The following MBOAT2 variants were observed in gnomAD, a reference collection of about 807,000 sequenced individuals.
The protein encoded by MBOAT2 is membrane bound glycerophospholipid O-acyltransferase 2.
In MBOAT2, 28 loss-of-function variants were observed where a neutral mutation model predicts 63.4. The observed-to-expected ratio is 0.44, with a 90% CI of 0.33 to 0.61. The LOEUF is 0.61. Ranked by LOEUF, MBOAT2 falls within the 20% of genes least tolerant of loss-of-function variation. The probability of loss-of-function intolerance (pLI) is 0.03; values close to 1 mark genes in which losing one functional copy is unlikely to be tolerated. For synonymous variants in MBOAT2, 211 were observed against 215.6 expected (o/e 0.98, Z 0.19); for missense variants, 470 against 605.8 (o/e 0.78, Z 2.35).
chr2:8,981,836 C>T (rs1671214136), intron 1 of MBOAT2, among the ~76,000 whole-genome samples: 1 of 152,098 alleles, frequency 6.6e-6, no homozygotes, highest in African/African-American at 2.4e-5. Flanking sequence ...CAAACTATTT[C>T]CATATTTAAC....
At chr2:8,918,356 C>T (rs1371688002) in intron 3 of MBOAT2, among the ~76,000 whole-genome samples, 1 of 152,198 alleles carries the variant, frequency 6.6e-6, no homozygotes, top group African/African-American at 2.4e-5. Context: ...GAAATGGGCA[C>T]AGTGTGCAGT....
rs1279809398 is a variant in MBOAT2 at position 8,856,702 on chromosome 2, G to C, written c.*1977C>G. On this transcript the variant is annotated 3_prime_UTR_variant, in exon 13 of 13. Transcript: ENST00000305997. The surrounding 1 kb of genome is among the most constrained non-coding windows in gnomAD (Gnocchi z 4.2). Reference sequence around the variant, plus strand: ...CCCAAGTAGCTGGGATTACAGGTGTGCGCCACCATGCCCGTCTAATTTTTG... The same window carrying C: ...CCCAAGTAGCTGGGATTACAGGTGTCCGCCACCATGCCCGTCTAATTTTTG... 6.6e-6 allele frequency: 1 copy of C among 152,048 alleles called. No individual in the cohort carries two copies. Among genetic ancestry groups the C allele is most frequent in the African/African-American group, 2.4e-5 (1 of 41,388 alleles). 9.4% of individuals were successfully genotyped at this position (152,048 alleles called of 1,614,324 possible).
chr2:8,960,045 ACTGT>A (rs1483863139), intron 1 of MBOAT2, among the ~76,000 whole-genome samples: 6 of 152,240 alleles, frequency 3.9e-5, no homozygotes, highest in South Asian at 2.1e-4. Flanking sequence ...GTTGTTGTAC[ACTGT>A]CTAAGAAACA....
Position 8,922,375 on chromosome 2 carries a change from G to A in MBOAT2, c.300-13659C>T, listed in dbSNP as rs545791964. On this transcript the variant is annotated intron_variant, in intron 3 of 12. Coordinates refer to ENST00000305997, the MANE Select transcript of MBOAT2 (RefSeq NM_138799.4). Reference sequence around the variant, plus strand: ...GTTTCAATTGACTGCTGTTTTCCTCGTTTCTCTTAATTTTTTAAACTGGAC... The same window carrying A: ...GTTTCAATTGACTGCTGTTTTCCTCATTTCTCTTAATTTTTTAAACTGGAC... Among the ~76,000 whole-genome samples, 101 of 152,184 alleles carry A rather than the reference G, an allele frequency of 6.6e-4. 1 individual carries two copies. In the South Asian group the frequency reaches 0.014, roughly 21 times the overall value.
At chr2:8,905,222 G>A (rs6734322) in intron 4 of MBOAT2, among the ~76,000 whole-genome samples, 3,346 of 152,034 alleles carry the variant, frequency 0.022, 139 homozygotes, top group African/African-American at 0.076. Flanking sequence ...CGCTAATTAG[G>A]ATCAAGTCAG....
At chr2:8,980,312 G>A (rs1671109315) in intron 1 of MBOAT2, among the ~76,000 whole-genome samples, 1 of 152,154 alleles carries the variant, frequency 6.6e-6, no homozygotes, top group Admixed American at 6.5e-5. Flanking sequence ...GACAACAGCG[G>A]ATCTGAGGCA....
At chr2:8,968,330 A>T (rs1303042523) in intron 1 of MBOAT2, among the ~76,000 whole-genome samples, 1 of 152,218 alleles carries the variant, frequency 6.6e-6, no homozygotes, top group Non-Finnish European at 1.5e-5. Flanking sequence ...TGACTGTTAG[A>T]AGGAAAACTA....
intron 1 of MBOAT2, among the ~76,000 whole-genome samples, chr2:8,967,274 C>T (rs939390903): frequency 2.6e-5 from 4 of 152,076 alleles, no homozygotes; most frequent in African/African-American, 9.7e-5. Flanking sequence ...TACTTTTTGC[C>T]CAGGGTGGTT....
At chr2:8,985,174 T>C (rs1671472969) in intron 1 of MBOAT2, among the ~76,000 whole-genome samples, 1 of 152,202 alleles carries the variant, frequency 6.6e-6, no homozygotes, top group Non-Finnish European at 1.5e-5. Context: ...CAACTGGCTA[T>C]ATTAGCTGAG....
intron 2 of MBOAT2, among the ~76,000 whole-genome samples, chr2:8,945,877 TG>T (rs886824065): frequency 8.5e-5 from 13 of 152,318 alleles, no homozygotes; most frequent in African/African-American, 3.1e-4. Context: ...CCTCTTCAAT[TG>T]TTCCACTAAT....
intron 3 of MBOAT2, among the ~76,000 whole-genome samples, chr2:8,919,555 A>C (rs538778509): frequency 6.6e-6 from 1 of 152,264 alleles, no homozygotes; most frequent in African/African-American, 2.4e-5. Context: ...AATTCTGTCC[A>C]TCTTTAAATT....
intron 3 of MBOAT2, among the ~76,000 whole-genome samples, chr2:8,920,674 C>A (rs1056782455): frequency 2.0e-5 from 3 of 151,700 alleles, no homozygotes; most frequent in African/African-American, 7.3e-5. Context: ...ATATAAAATA[C>A]TTCTCCATTT....
chr2:8,891,125 G>A (rs1157944405), intron 4 of MBOAT2, among the ~76,000 whole-genome samples: 4 of 152,216 alleles, frequency 2.6e-5, no homozygotes, highest in Non-Finnish European at 5.9e-5. Flanking sequence ...ATTTCCTGAT[G>A]GTCATTAGCT....
At chr2:8,907,621 G>T (rs890049690) in intron 4 of MBOAT2, among the ~76,000 whole-genome samples, 1 of 152,152 alleles carries the variant, frequency 6.6e-6, no homozygotes, top group Non-Finnish European at 1.5e-5. Context: ...CCTTCCAGGT[G>T]TATCTCCCAA....
chr2:8,921,432 C>T (rs1666558969), intron 3 of MBOAT2, among the ~76,000 whole-genome samples: 1 of 152,090 alleles, frequency 6.6e-6, no homozygotes, highest in African/African-American at 2.4e-5. Context: ...CCAAATAATA[C>T]AGTATTATAA....
intron 4 of MBOAT2, among the ~76,000 whole-genome samples, chr2:8,891,378 G>A (rs866529158): frequency 6.6e-6 from 1 of 152,158 alleles, no homozygotes; most frequent in Non-Finnish European, 1.5e-5. Flanking sequence ...TGAGTCCAAC[G>A]CAGCAGGTAT....
chr2:8,881,538 G>T (rs987306673), intron 6 of MBOAT2, among the ~76,000 whole-genome samples: 1 of 152,148 alleles, frequency 6.6e-6, no homozygotes, highest in African/African-American at 2.4e-5. Flanking sequence ...GGTTACCCAG[G>T]TCTGGGGATT....
In MBOAT2 at chr2:8,862,383, T is replaced by C; in HGVS notation, c.1185+207A>G. ...TACCTGCCGGGCACATAGAAACGTG[T>C]TTTCTCCTCACAGGAACTGGGCATG... On this transcript the variant is annotated intron_variant, in intron 11 of 12. Coordinates refer to ENST00000305997, the MANE Select transcript of MBOAT2 (RefSeq NM_138799.4). The surrounding 1 kb of genome is among the most constrained non-coding windows in gnomAD (Gnocchi z 4.3). 5 of 1,423,588 alleles carry C rather than the reference T, an allele frequency of 3.5e-6. No homozygotes were observed. Among genetic ancestry groups the C allele is most frequent in the Non-Finnish European group, 4.7e-6 (5 of 1,063,454 alleles). The allele number at this position is 1,423,588 out of a possible 1,614,324, so 88.2% of individuals were successfully genotyped here. A position where few individuals can be genotyped will look rare whatever the true frequency, so the allele number is the denominator to read the frequency against.
chr2:8,880,584 G>A lies in MBOAT2; in HGVS notation c.506+1927C>T, dbSNP rs75867758. 7.2e-3 allele frequency among the ~76,000 whole-genome samples: 1,095 copies of A among 152,354 alleles called. 11 individuals are homozygous for A. The highest frequency in any genetic ancestry group is 0.024 in the African/African-American group (988 of 41,586). The stretch of plus-strand genomic sequence containing the variant: ...TATAAATTAAGGAGCCTTCAAACAC[G>A]AAGATGGCCTTTCAAGCCAATGGAT... On this transcript the variant is annotated intron_variant, in intron 6 of 12. Transcript: ENST00000305997.
Sources: gnomAD v4.1 joint callset for allele counts (sites outside exome capture counted in the v4.1 genomes callset) on GRCh38, gnomAD v4.1.1 for gene constraint, Gnocchi (gnomAD v3.1) non-coding constraint, MANE v1.5 for transcripts, NCBI Gene and HGNC (gene_info 2026-07-23, HGNC 2026-07-21) for gene names.